HOOK3: variants seen among roughly 807,000 people sequenced by gnomAD.
HOOK3 encodes hook microtubule tethering protein 3.
HOOK3 carries 24 observed loss-of-function variants against 116.3 expected under a neutral mutation model. The ratio of observed to expected loss-of-function variants is 0.21; its 90% CI spans 0.15 to 0.29. HOOK3 has a LOEUF of 0.29. Among genes scored for constraint, HOOK3 ranks in the 10% least tolerant of loss-of-function variants. The probability of loss-of-function intolerance (pLI) is 1.00; values close to 1 mark genes in which losing one functional copy is unlikely to be tolerated. For synonymous variants in HOOK3, 275 were observed against 283.0 expected, an observed-to-expected ratio of 0.97 and a Z score of 0.28; for missense variants, 632 against 830.2, an observed-to-expected ratio of 0.76 and a Z score of 2.93.
At chr8:42,957,208 A>C in intron 7 of HOOK3, 52 bp downstream of exon 7, 1 of 1,098,330 alleles carries the variant, frequency 9.1e-7, no homozygotes, top group Non-Finnish European at 1.3e-6. Flanking sequence ...AAGGATAAGC[A>C]TCAGATGTTA....
intron 17 of HOOK3, 26 bp downstream of exon 17, chr8:43,002,167 AT>A: frequency 6.4e-7 from 1 of 1,563,242 alleles, no homozygotes; most frequent in Non-Finnish European, 8.8e-7. Flanking sequence ...GTTGAGGCTG[AT>A]TCTTCTATAG....
intron 7 of HOOK3, among the ~76,000 whole-genome samples, 189 bp from the exon 8 acceptor site, chr8:42,959,042 G>C (rs577034056): frequency 1.3e-5 from 2 of 152,180 alleles, no homozygotes; most frequent in African/African-American, 2.4e-5. Flanking sequence ...TCAAGACTTA[G>C]AGTAAAAGAA....
intron 19 of HOOK3, among the ~76,000 whole-genome samples, chr8:43,011,626 C>T (rs1204270479): frequency 2.0e-5 from 3 of 152,072 alleles, no homozygotes; most frequent in Non-Finnish European, 4.4e-5. Context: ...GTAATCCTGT[C>T]GCTGTAGGAG....
chr8:42,939,071 T>C (rs1808036500), intron 4 of HOOK3, among the ~76,000 whole-genome samples: 1 of 152,008 alleles, frequency 6.6e-6, no homozygotes, highest in Non-Finnish European at 1.5e-5. Flanking sequence ...GGCAGAAGAA[T>C]TTTTCTTAGT....
chr8:42,966,746 C>G (rs1808639931), intron 10 of HOOK3, 133 bp downstream of exon 10: 2 of 810,704 alleles, frequency 2.5e-6, no homozygotes, highest in African/African-American at 3.4e-5. Context: ...TATGCAACCT[C>G]TGTATGGCTG....
At chr8:42,994,685 T>C (rs1387306906) in intron 15 of HOOK3, among the ~76,000 whole-genome samples, 1 of 152,236 alleles carries the variant, frequency 6.6e-6, no homozygotes, top group African/African-American at 2.4e-5. Flanking sequence ...TATTTCAATT[T>C]TTTGAGTATT....
intron 11 of HOOK3, among the ~76,000 whole-genome samples, chr8:42,971,252 G>A (rs1169967088): frequency 6.6e-6 from 1 of 151,984 alleles, no homozygotes; most frequent in African/African-American, 2.4e-5. Context: ...TATGTTGTGT[G>A]TTTTTTGTTT....
chr8:43,004,799 C>T (rs1809446968), intron 17 of HOOK3, among the ~76,000 whole-genome samples: 1 of 151,864 alleles, frequency 6.6e-6, no homozygotes, highest in Admixed American at 6.6e-5. Flanking sequence ...CAATTCTCAT[C>T]CATTGCTGGT....
Position 43,027,649 on chromosome 8 carries a change from T to C in HOOK3, c.*9151T>C. 1 of 210,974 alleles carries C rather than the reference T, an allele frequency of 4.7e-6. No individual in the cohort carries two copies. The highest frequency in any genetic ancestry group is 5.8e-5 in the Admixed American group (1 of 17,340). The allele number at this position is 210,974 out of a possible 1,614,324, so 13.1% of individuals were successfully genotyped here. A position where few individuals can be genotyped will look rare whatever the true frequency, so the allele number is the denominator to read the frequency against. ...AGGACGAAATACAATGTTCTGAATA[T>C]CTTCCACTAATTAATTGTTGAATGA... On this transcript the variant is annotated 3_prime_UTR_variant, in exon 22 of 22. Transcript: ENST00000307602.
At chr8:42,968,306 A>G in intron 11 of HOOK3, 92 bp downstream of exon 11, 1 of 882,710 alleles carries the variant, frequency 1.1e-6, no homozygotes. Flanking sequence ...TTTTCATGGT[A>G]TTCTGTTTTT....
chr8:42,978,455 G>C (rs1460325498), intron 13 of HOOK3, among the ~76,000 whole-genome samples: 1 of 150,540 alleles, frequency 6.6e-6, no homozygotes, highest in East Asian at 1.9e-4. Flanking sequence ...TTGTCCCCCA[G>C]GCTGGAGTGC....
chr8:42,926,561 C>T (rs890683400), intron 3 of HOOK3, among the ~76,000 whole-genome samples: 6 of 152,162 alleles, frequency 3.9e-5, no homozygotes, highest in African/African-American at 1.2e-4. Flanking sequence ...GCTGGAATTA[C>T]AAGCATCAGC....
intron 5 of HOOK3, among the ~76,000 whole-genome samples, chr8:42,945,324 T>C (rs1302192505): frequency 6.6e-6 from 1 of 152,180 alleles, no homozygotes; most frequent in East Asian, 1.9e-4. Flanking sequence ...TATTTTATTT[T>C]TTCGAGATGG....
At chr8:42,921,068 C>A (rs1007548387) in intron 2 of HOOK3, among the ~76,000 whole-genome samples, 3 of 151,674 alleles carry the variant, frequency 2.0e-5, no homozygotes, top group African/African-American at 4.9e-5. Flanking sequence ...TCTCTGAGTT[C>A]TTTTATTCAT....
intron 15 of HOOK3, 142 bp downstream of exon 15, chr8:42,986,937 G>A (rs1324512666): frequency 5.0e-6 from 4 of 797,442 alleles, no homozygotes; most frequent in South Asian, 1.6e-5. Context: ...AGGGCAGATC[G>A]CTTGAGCTCG....
At position 43,021,261 on chromosome 8, in the gene HOOK3, T is replaced by C. The variant is rs964243141; in HGVS notation, c.*2763T>C. On this transcript the variant is annotated 3_prime_UTR_variant, in exon 22 of 22. Transcript: ENST00000307602. ...CCTACCCAGATATTTTTTCTCTATC[T>C]GGGTTGGAAAGGCCCCAGGCTTTTA... is the stretch of plus-strand genomic sequence containing the variant. 13 of 203,966 alleles carry C rather than the reference T, an allele frequency of 6.4e-5. No individual in the cohort carries two copies. Among genetic ancestry groups the C allele is most frequent in the African/African-American group, 3.0e-4 (13 of 43,600 alleles). The allele number at this position is 203,966 out of a possible 1,614,324, so 12.6% of individuals were successfully genotyped here. A position where few individuals can be genotyped will look rare whatever the true frequency, so the allele number is the denominator to read the frequency against.
Position 42,950,375 on chromosome 8 carries a change from T to C in HOOK3, c.401-13T>C. 6.4e-7 allele frequency: 1 copy of C among 1,573,152 alleles called. No homozygotes were observed. The highest frequency in any genetic ancestry group is 8.7e-7 in the Non-Finnish European group (1 of 1,143,838). On this transcript the variant is annotated splice_polypyrimidine_tract_variant and intron_variant, in intron 5 of 21. Coordinates refer to ENST00000307602, the MANE Select transcript of HOOK3 (RefSeq NM_032410.4). ...ACTTGAACAGTGACATTCTAGATTG[T>C]TCTTGTTTTCAGAGTACATCCAAGC...
chr8:43,024,689 G>A lies in HOOK3; in HGVS notation c.*6191G>A, dbSNP rs559096802. 1 of 190,934 alleles carries A rather than the reference G, an allele frequency of 5.2e-6. No homozygotes were observed. Among genetic ancestry groups the A allele is most frequent in the South Asian group, 1.9e-4 (1 of 5,164 alleles). 11.8% of individuals were successfully genotyped at this position (190,934 alleles called of 1,614,324 possible). On this transcript the variant is annotated 3_prime_UTR_variant, in exon 22 of 22. Coordinates refer to ENST00000307602, the MANE Select transcript of HOOK3 (RefSeq NM_032410.4). ...AAAGAATATTTAAATAATAATTGGT[G>A]TATGTTCCTTTTGTTGAAAATGTTT...
chr8:42,905,326 G>GGC (rs1491474081), intron 1 of HOOK3, among the ~76,000 whole-genome samples: 2 of 66,208 alleles, frequency 3.0e-5, no homozygotes, highest in African/African-American at 1.6e-4. Context: ...TTCTTTTTTT[G>GGC]GGGGGGGGGG....
Sources: allele counts gnomAD v4.1 joint callset (sites outside exome capture counted in the v4.1 genomes callset), GRCh38; gene constraint gnomAD v4.1.1; transcripts MANE v1.5; gene names NCBI Gene and HGNC (gene_info 2026-07-23, HGNC 2026-07-21).